The following RAC1 variants were observed in gnomAD, a reference collection of about 807,000 sequenced individuals.
The protein encoded by RAC1 is ras-related C3 botulinum toxin substrate 1.
A neutral mutation model predicts 25.2 loss-of-function variants in RAC1; 2 were observed. The ratio of observed to expected loss-of-function variants is 0.08; its 90% CI spans 0.03 to 0.25. The LOEUF is 0.25. Among genes scored for constraint, RAC1 ranks in the 10% least tolerant of loss-of-function variants. RAC1 has a pLI of 1.00. For synonymous variants in RAC1, 88 were observed against 94.0 expected (o/e 0.94, Z 0.37); for missense variants, 50 against 235.7 (o/e 0.21, Z 5.16).
intron 2 of RAC1, among the ~76,000 whole-genome samples, chr7:6,390,081 T>C (rs1583264516): frequency 2.1e-5 from 2 of 95,272 alleles, no homozygotes; most frequent in African/African-American, 4.7e-5. Flanking sequence ...CCTCCCTTGC[T>C]CCCTCCCTCC....
chr7:6,387,521 C>T (rs952344174), intron 2 of RAC1, among the ~76,000 whole-genome samples: 8 of 151,920 alleles, frequency 5.3e-5, no homozygotes, highest in South Asian at 4.1e-4. Context: ...GTCAGGAGTT[C>T]GAGACCAGCA....
rs780518597 is a variant in RAC1 at position 6,402,465 on chromosome 7, C to G, written c.*19C>G. On this transcript the variant is annotated 3_prime_UTR_variant, in exon 6 of 6. Transcript: ENST00000348035. Reference sequence around the variant, plus strand: ...GTTGTAAATGTCTCAGCCCCTCGTTCTTGGTCCTGTCCCTTGGAACCTTTG... The same window carrying G: ...GTTGTAAATGTCTCAGCCCCTCGTTGTTGGTCCTGTCCCTTGGAACCTTTG... The G allele has an allele frequency of 7.9e-7, 1 of 1,269,252 alleles. No homozygotes were observed. The highest frequency in any genetic ancestry group is 1.0e-6 in the Non-Finnish European group (1 of 962,396). The allele number at this position is 1,269,252 out of a possible 1,614,324, so 78.6% of individuals were successfully genotyped here.
intron 3 of RAC1, among the ~76,000 whole-genome samples, chr7:6,396,182 C>T (rs1039853478): frequency 6.6e-6 from 1 of 152,158 alleles, no homozygotes; most frequent in Non-Finnish European, 1.5e-5. Flanking sequence ...CCTGAGGCTC[C>T]AGAACACACA....
chr7:6,383,145 A>G (rs1782819429), intron 1 of RAC1, among the ~76,000 whole-genome samples: 1 of 152,218 alleles, frequency 6.6e-6, no homozygotes, highest in African/African-American at 2.4e-5. Flanking sequence ...CCAAAGAAGT[A>G]GTAACTACCA....
Position 6,382,905 on chromosome 7 carries a change from A to T in RAC1, c.36-4307A>T, listed in dbSNP as rs555613975. Among the ~76,000 whole-genome samples, 294 of 152,364 alleles carry T rather than the reference A, an allele frequency of 1.9e-3. 2 individuals are homozygous for T. Among genetic ancestry groups the T allele is most frequent in the African/African-American group, 6.8e-3 (284 of 41,586 alleles). ...CTCTTAATGGAAAAATGAAGAACAT[A>T]ATAGCAACATAAGTTATTTGCTTTC... is the stretch of plus-strand genomic sequence containing the variant. On this transcript the variant is annotated intron_variant, in intron 1 of 5. Transcript: ENST00000348035.
At chr7:6,394,999 C>T (rs985882962) in intron 3 of RAC1, among the ~76,000 whole-genome samples, 7 of 152,154 alleles carry the variant, frequency 4.6e-5, no homozygotes, top group African/African-American at 7.2e-5. Flanking sequence ...GGACTACAGG[C>T]GCCCGCCACC....
intron 3 of RAC1, among the ~76,000 whole-genome samples, chr7:6,392,353 G>C (rs1299541958): frequency 6.6e-6 from 1 of 152,160 alleles, no homozygotes; most frequent in Non-Finnish European, 1.5e-5. Flanking sequence ...TTTGAAGGCA[G>C]GTTTGCTGTG....
At chr7:6,381,828 C>T (rs956516845) in intron 1 of RAC1, among the ~76,000 whole-genome samples, 4 of 152,146 alleles carry the variant, frequency 2.6e-5, no homozygotes, top group Non-Finnish European at 5.9e-5. Flanking sequence ...ATTTTATCTG[C>T]ATAGTTAACG....
chr7:6,383,225 C>A (rs1337017061), intron 1 of RAC1, among the ~76,000 whole-genome samples: 1 of 152,192 alleles, frequency 6.6e-6, no homozygotes, highest in Non-Finnish European at 1.5e-5. Flanking sequence ...AGGGAAAGGC[C>A]ATGGAAAGGC....
chr7:6,379,711 A>G (rs1782711056), intron 1 of RAC1, among the ~76,000 whole-genome samples: 1 of 152,086 alleles, frequency 6.6e-6, no homozygotes, highest in Admixed American at 6.6e-5. Context: ...TCCCTGGCCT[A>G]AACAACAGTT....
At chr7:6,399,826 A>G in intron 3 of RAC1, 1 of 366,960 alleles carries the variant, frequency 2.7e-6, no homozygotes, top group Non-Finnish European at 4.9e-6. Flanking sequence ...CATTTTAGAT[A>G]GTTAGGCGTA....
At chr7:6,377,069 T>C (rs1782625074) in intron 1 of RAC1, among the ~76,000 whole-genome samples, 1 of 152,046 alleles carries the variant, frequency 6.6e-6, no homozygotes, top group African/African-American at 2.4e-5. Flanking sequence ...AGATGTTGGT[T>C]ATTAACTACC....
At chr7:6,380,977 T>C (rs1324268600) in intron 1 of RAC1, among the ~76,000 whole-genome samples, 1 of 152,172 alleles carries the variant, frequency 6.6e-6, no homozygotes, top group Non-Finnish European at 1.5e-5. Flanking sequence ...CAGGCGATTC[T>C]CCTGCCTCAG....
At chr7:6,376,672 GTT>G (rs71008385) in intron 1 of RAC1, among the ~76,000 whole-genome samples, 25,935 of 99,820 alleles carry the variant, frequency 0.26, 2,227 homozygotes, top group East Asian at 0.35. Flanking sequence ...CAGCTAATTT[GTT>G]TTTTTTTTTT....
chr7:6,385,508 G>C (rs1406316017), intron 1 of RAC1, among the ~76,000 whole-genome samples: 2 of 152,170 alleles, frequency 1.3e-5, no homozygotes, highest in Non-Finnish European at 2.9e-5. Context: ...TGCTCATACA[G>C]GTTTATTTTC....
intron 3 of RAC1, among the ~76,000 whole-genome samples, chr7:6,394,201 C>A (rs1285648918): frequency 6.6e-6 from 1 of 152,182 alleles, no homozygotes; most frequent in Non-Finnish European, 1.5e-5. Context: ...ACATTGGCAT[C>A]CTCTCTATTG....
intron 1 of RAC1, among the ~76,000 whole-genome samples, chr7:6,383,223 G>A (rs1782823341): frequency 6.6e-6 from 1 of 152,212 alleles, no homozygotes; most frequent in Non-Finnish European, 1.5e-5. Context: ...TGAGGGAAAG[G>A]CCATGGAAAG....
intron 1 of RAC1, among the ~76,000 whole-genome samples, chr7:6,376,497 T>TC (rs1782600675): frequency 1.4e-5 from 2 of 141,284 alleles, no homozygotes; most frequent in African/African-American, 5.9e-5. Context: ...TTTTTTTTTT[T>TC]TTTCTTTTCT....
chr7:6,378,171 T>A (rs183185698), intron 1 of RAC1, among the ~76,000 whole-genome samples: 1 of 149,724 alleles, frequency 6.7e-6, no homozygotes, highest in Non-Finnish European at 1.5e-5. Flanking sequence ...AATTCCTTCA[T>A]GAAAATCTCT....
Sources: gnomAD v4.1 joint callset for allele counts (sites outside exome capture counted in the v4.1 genomes callset) on GRCh38, gnomAD v4.1.1 for gene constraint, MANE v1.5 for transcripts, NCBI Gene and HGNC (gene_info 2026-07-23, HGNC 2026-07-21) for gene names.